The following FAM13B variants were observed in gnomAD, a reference collection of about 807,000 sequenced individuals.
The protein encoded by FAM13B is family with sequence similarity 13 member B, also known as protein FAM13B.
A neutral mutation model predicts 117.3 loss-of-function variants in FAM13B; 60 were observed. The ratio of observed to expected loss-of-function variants is 0.51; its 90% CI spans 0.42 to 0.63. FAM13B has a LOEUF of 0.63. Ranked by LOEUF, FAM13B falls within the 30% of genes least tolerant of loss-of-function variation. FAM13B has a pLI of 0.00. For synonymous variants in FAM13B, 332 were observed against 356.1 expected (o/e 0.93, Z 0.76); for missense variants, 972 against 1,091.9 (o/e 0.89, Z 1.55).
intron 7 of FAM13B, among the ~76,000 whole-genome samples, chr5:137,993,173 T>C (rs1430712304): frequency 6.6e-6 from 1 of 152,204 alleles, no homozygotes; most frequent in African/African-American, 2.4e-5. Flanking sequence ...AATGTCCACA[T>C]AGTAATCACC....
chr5:137,953,581 C>G, intron 15 of FAM13B, 116 bp from the exon 16 acceptor site: 1 of 1,050,552 alleles, frequency 9.5e-7, no homozygotes, highest in Non-Finnish European at 1.4e-6. Context: ...AAAATAAGTC[C>G]CTAACACTAA....
intron 10 of FAM13B, among the ~76,000 whole-genome samples, chr5:137,972,841 G>A (rs1216487185): frequency 6.6e-6 from 1 of 152,066 alleles, no homozygotes; most frequent in African/African-American, 2.4e-5. Flanking sequence ...CAAATCATGA[G>A]TGAACTCCCA....
chr5:137,978,601 CT>C (rs1193739475), intron 10 of FAM13B, among the ~76,000 whole-genome samples: 1 of 152,112 alleles, frequency 6.6e-6, no homozygotes, highest in Non-Finnish European at 1.5e-5. Flanking sequence ...CTCCCACCAC[CT>C]TTTTTCCTCC....
chr5:137,954,434 A>G (rs1020117664), intron 14 of FAM13B, 58 bp from the exon 15 acceptor site: 7 of 1,411,728 alleles, frequency 5.0e-6, no homozygotes, highest in Non-Finnish European at 6.8e-6. Flanking sequence ...GTGGGAAAAA[A>G]GTCACAAAAT....
At chr5:138,031,767 T>G (rs991143116) in intron 1 of FAM13B, among the ~76,000 whole-genome samples, 1 of 151,436 alleles carries the variant, frequency 6.6e-6, no homozygotes, top group African/African-American at 2.4e-5. Context: ...AACAAGCACT[T>G]AGTAAATGCA....
chr5:138,022,135 G>T (rs1229921416), intron 1 of FAM13B, among the ~76,000 whole-genome samples: 3 of 141,266 alleles, frequency 2.1e-5, no homozygotes, highest in Non-Finnish European at 3.1e-5. Flanking sequence ...AAAAAAAAAA[G>T]AATAATACCT....
intron 4 of FAM13B, 124 bp from the exon 5 acceptor site, chr5:138,012,069 T>C (rs541027362): frequency 1.3e-5 from 8 of 625,744 alleles, no homozygotes; most frequent in Non-Finnish European, 1.9e-5. Flanking sequence ...CCTCTTCACT[T>C]CCTCTACTGG....
intron 7 of FAM13B, among the ~76,000 whole-genome samples, chr5:138,005,263 TA>T (rs1433971132): frequency 6.6e-6 from 1 of 152,056 alleles, no homozygotes; most frequent in African/African-American, 2.4e-5. Context: ...ATTAATTAAT[TA>T]ACAAAATTTA....
intron 1 of FAM13B, among the ~76,000 whole-genome samples, chr5:138,045,945 C>A (rs1393915166): frequency 3.4e-4 from 48 of 141,836 alleles, no homozygotes; most frequent in South Asian, 4.5e-4. Context: ...AATTCCATCT[C>A]AAAAAAAAAA....
At chr5:138,022,112 CAAAAAAAAA>C (rs34110085) in intron 1 of FAM13B, among the ~76,000 whole-genome samples, 104,312 of 135,752 alleles carry the variant, frequency 0.77, 38,430 homozygotes, top group East Asian at 0.96. Context: ...GATCCTGTCT[CAAAAAAAAA>C]AAAAAAAAAA....
chr5:138,026,916 G>A (rs1392418039), intron 1 of FAM13B, among the ~76,000 whole-genome samples: 2 of 149,904 alleles, frequency 1.3e-5, no homozygotes, highest in Non-Finnish European at 3.0e-5. Context: ...TCCAGCCTGG[G>A]CAACAAAGAA....
chr5:138,031,092 G>A (rs544474175), intron 1 of FAM13B, among the ~76,000 whole-genome samples: 12 of 151,854 alleles, frequency 7.9e-5, no homozygotes, highest in Non-Finnish European at 1.5e-4. Context: ...ATTTGAATAC[G>A]ATGATGGAGG....
At chr5:138,051,606 C>G (rs1234993525) in intron 1 of FAM13B, among the ~76,000 whole-genome samples, 1 of 152,156 alleles carries the variant, frequency 6.6e-6, no homozygotes, top group Non-Finnish European at 1.5e-5. Context: ...TTTCCATTGC[C>G]TGTTTTTCTG....
At chr5:137,962,021 T>C (rs924204985) in intron 11 of FAM13B, among the ~76,000 whole-genome samples, 2 of 152,230 alleles carry the variant, frequency 1.3e-5, no homozygotes, top group African/African-American at 4.8e-5. Context: ...AAACATCCTA[T>C]ACATATTTGT....
chr5:137,941,230 A>T (rs913779510), intron 23 of FAM13B, among the ~76,000 whole-genome samples: 1 of 151,942 alleles, frequency 6.6e-6, no homozygotes, highest in Non-Finnish European at 1.5e-5. Flanking sequence ...TTTTTTAACC[A>T]TATGTGCCAA....
chr5:138,033,113 T>C (rs1194266572), upstream of FAM13B: 55 of 204,038 alleles, frequency 2.7e-4, no homozygotes, highest in Non-Finnish European at 3.3e-4. Context: ...GTGACGTGCG[T>C]GGGAGGGGGC....
At chr5:137,970,966 C>A (rs1771928058) in intron 10 of FAM13B, among the ~76,000 whole-genome samples, 1 of 151,846 alleles carries the variant, frequency 6.6e-6, no homozygotes, top group Non-Finnish European at 1.5e-5. Context: ...TAAAGCAAGT[C>A]CTGAGTGACC....
At chr5:137,953,516 G>A in intron 15 of FAM13B, 51 bp from the exon 16 acceptor site, 4 of 1,586,110 alleles carry the variant, frequency 2.5e-6, no homozygotes, top group Non-Finnish European at 3.4e-6. Context: ...TACCAACACT[G>A]TATCTCTTAT....
intron 7 of FAM13B, among the ~76,000 whole-genome samples, chr5:138,005,571 A>G (rs1047203525): frequency 1.3e-5 from 2 of 151,898 alleles, no homozygotes; most frequent in African/African-American, 4.8e-5. Flanking sequence ...CATATAGATA[A>G]TATTTTAATA....
Sources: allele counts gnomAD v4.1 joint callset (sites outside exome capture counted in the v4.1 genomes callset), GRCh38; gene constraint gnomAD v4.1.1; transcripts MANE v1.5; gene names NCBI Gene and HGNC (gene_info 2026-07-23, HGNC 2026-07-21).